ZNF704: variants seen among roughly 807,000 people sequenced by gnomAD.
ZNF704 encodes zinc finger protein 704, also known as glucocorticoid induced gene 1.
ZNF704 carries 10 observed loss-of-function variants against 44.7 expected under a neutral mutation model. The observed-to-expected ratio is 0.22, with a 90% CI of 0.14 to 0.38. The LOEUF is 0.38. Among genes scored for constraint, ZNF704 ranks in the 10% least tolerant of loss-of-function variants. The probability of loss-of-function intolerance (pLI) is 1.00; values close to 1 mark genes in which losing one functional copy is unlikely to be tolerated. For missense variants in ZNF704, 390 were observed against 545.5 expected (o/e 0.71, Z 2.84); for synonymous variants, 211 against 207.6 (o/e 1.02, Z -0.14).
intron 2 of ZNF704, among the ~76,000 whole-genome samples, chr8:80,742,259 C>A (rs1244159318): frequency 6.6e-6 from 1 of 152,170 alleles, no homozygotes; most frequent in Non-Finnish European, 1.5e-5. Flanking sequence ...TATGGGGTAA[C>A]CCCCTCCAGG....
At chr8:80,747,756 C>T (rs1315015488) in intron 2 of ZNF704, among the ~76,000 whole-genome samples, 4 of 152,102 alleles carry the variant, frequency 2.6e-5, no homozygotes, top group Non-Finnish European at 1.5e-5. Context: ...CTCGCTCGGT[C>T]GCCAGGCTGG....
At chr8:80,826,398 T>C (rs551922435) in intron 1 of ZNF704, among the ~76,000 whole-genome samples, 28 of 152,274 alleles carry the variant, frequency 1.8e-4, no homozygotes, top group Non-Finnish European at 3.4e-4. Context: ...AATCCCTGAA[T>C]AGACCAATAA....
chr8:80,797,511 G>A (rs755539838), intron 2 of ZNF704, among the ~76,000 whole-genome samples: 11 of 152,164 alleles, frequency 7.2e-5, no homozygotes, highest in Non-Finnish European at 1.3e-4. Context: ...ATGCCTCCAA[G>A]GTTGTTACAG....
At chr8:80,777,020 T>A (rs1180076170) in intron 2 of ZNF704, 2 of 152,206 alleles carry the variant, frequency 1.3e-5, no homozygotes, top group Non-Finnish European at 2.9e-5. Flanking sequence ...TCATTCACTG[T>A]AATTCTGCAT....
intron 2 of ZNF704, among the ~76,000 whole-genome samples, chr8:80,790,262 T>C (rs1002534549): frequency 2.6e-5 from 4 of 152,154 alleles, no homozygotes; most frequent in Non-Finnish European, 4.4e-5. Context: ...GGGATTTTAA[T>C]GTGCAGTTAG....
chr8:80,692,368 G>A lies in ZNF704; in HGVS notation c.325+636C>T, dbSNP rs116821167. Among the ~76,000 whole-genome samples the A allele has an allele frequency of 7.3e-3, 1,107 of 152,278 alleles. 17 individuals carry two copies. Among genetic ancestry groups the A allele is most frequent in the African/African-American group, 0.024 (1,008 of 41,546 alleles). On this transcript the variant is annotated intron_variant, in intron 3 of 8. Coordinates refer to ENST00000327835, the MANE Select transcript of ZNF704 (RefSeq NM_001033723.3). ...TAGAATTGTTGTGGGAATTACAGGC[G>A]ATAAGGCAAGCATAGTATTTGTTTA... is the stretch of plus-strand genomic sequence containing the variant.
rs1280785297 is a variant in ZNF704, at chr8:80,717,643, T to C, written c.222-24536A>G. 3.9e-5 allele frequency among the ~76,000 whole-genome samples: 6 copies of C among 152,354 alleles called. No homozygotes were observed. In the East Asian group the frequency reaches 1.2e-3, roughly 29 times the overall value. On this transcript the variant is annotated intron_variant, in intron 2 of 8. Transcript: ENST00000327835. ...GCCAATGCATTCCCTGCTTTTTAAGTCCCCTTTCCTAGGTTCTGTCCTCTT... is the reference window on the plus strand; with the variant it reads ...GCCAATGCATTCCCTGCTTTTTAAGCCCCCTTTCCTAGGTTCTGTCCTCTT...
intron 2 of ZNF704, among the ~76,000 whole-genome samples, chr8:80,757,397 G>T (rs1422587290): frequency 6.6e-6 from 1 of 151,928 alleles, no homozygotes; most frequent in Non-Finnish European, 1.5e-5. Flanking sequence ...AAAATATTTT[G>T]TGTAGCTATA....
At chr8:80,661,886 G>A (rs948158798) in intron 6 of ZNF704, among the ~76,000 whole-genome samples, 2 of 152,096 alleles carry the variant, frequency 1.3e-5, no homozygotes, top group African/African-American at 2.4e-5. Context: ...AGCAGAGTAG[G>A]ATGGCTATAG....
In ZNF704 at chr8:80,687,433, C is replaced by T. The variant is rs76848029; in HGVS notation, c.351G>A (p.Glu117=). The change falls in exon 4 of 9, where the codon GAG becomes GAA. Residue 117 remains glutamate, a synonymous_variant. Transcript: ENST00000327835. ...TGGTGCTGGAAGGCACGCAGCCGCC[C>T]TCCTTCCAGGATCCGCTGAGGCTCT... ...PNESLSGSWK[E]GGCVPSSTSS... 4,952 of 1,584,060 alleles carry T rather than the reference C, an allele frequency of 3.1e-3. 121 individuals are homozygous for T. The African/African-American group carries it at 0.06, about 19-fold the overall frequency.
chr8:80,644,048 T>A (rs903373325), intron 7 of ZNF704, among the ~76,000 whole-genome samples: 1 of 152,178 alleles, frequency 6.6e-6, no homozygotes, highest in Non-Finnish European at 1.5e-5. Context: ...CAAGAACGTA[T>A]GCCACCCACC....
chr8:80,863,516 C>G (rs1490980573), intron 1 of ZNF704, among the ~76,000 whole-genome samples: 1 of 151,990 alleles, frequency 6.6e-6, no homozygotes, highest in African/African-American at 2.4e-5. Context: ...GTATAAAATT[C>G]TTCATATATA....
intron 2 of ZNF704, among the ~76,000 whole-genome samples, chr8:80,806,444 T>C (rs1807990682): frequency 6.6e-6 from 1 of 152,190 alleles, no homozygotes; most frequent in African/African-American, 2.4e-5. Context: ...CCATTTCATT[T>C]CCAGCCTAGG....
At chr8:80,868,224 A>C (rs1171602900) in intron 1 of ZNF704, among the ~76,000 whole-genome samples, 1 of 151,982 alleles carries the variant, frequency 6.6e-6, no homozygotes, top group Admixed American at 6.6e-5. Flanking sequence ...TAGGCAGGGG[A>C]GTAGGGAGGG....
upstream of ZNF704, among the ~76,000 whole-genome samples, chr8:80,877,835 A>G (rs963107296): frequency 6.6e-6 from 1 of 152,240 alleles, no homozygotes; most frequent in African/African-American, 2.4e-5. Context: ...TTGTGGAGGC[A>G]TTAAGTGTCT....
chr8:80,855,626 G>A (rs1808947168), intron 1 of ZNF704, among the ~76,000 whole-genome samples: 1 of 152,164 alleles, frequency 6.6e-6, no homozygotes, highest in African/African-American at 2.4e-5. Flanking sequence ...GAAGGGTAAT[G>A]GGGTAAGAGG....
chr8:80,793,642 GCTTT>G (rs1200685688), intron 2 of ZNF704, among the ~76,000 whole-genome samples: 8 of 151,932 alleles, frequency 5.3e-5, no homozygotes, highest in Admixed American at 1.3e-4. Context: ...GTTTATGGAT[GCTTT>G]CTATTTCCTT....
intron 1 of ZNF704, among the ~76,000 whole-genome samples, chr8:80,865,839 T>A (rs1809146174): frequency 6.6e-6 from 1 of 152,140 alleles, no homozygotes; most frequent in African/African-American, 2.4e-5. Flanking sequence ...CCTTGTGTGT[T>A]ACTGCAAAGT....
At chr8:80,686,564 AT>A (rs962461324) in intron 4 of ZNF704, among the ~76,000 whole-genome samples, 1 of 150,502 alleles carries the variant, frequency 6.6e-6, no homozygotes. Context: ...TTTTTATTTA[AT>A]TTTTTTTTGT....
Sources: gnomAD v4.1 joint callset for allele counts (sites outside exome capture counted in the v4.1 genomes callset) on GRCh38, gnomAD v4.1.1 for gene constraint, MANE v1.5 for transcripts, NCBI Gene and HGNC (gene_info 2026-07-23, HGNC 2026-07-21) for gene names.